PAX5: variants seen among roughly 807,000 people sequenced by gnomAD.
PAX5 encodes paired box 5.
In PAX5, 9 loss-of-function variants were observed where a neutral mutation model predicts 43.7. The observed-to-expected ratio is 0.21, with a 90% CI of 0.12 to 0.36. The LOEUF is 0.36. Ranked by LOEUF, PAX5 falls within the 10% of genes least tolerant of loss-of-function variation. The probability of loss-of-function intolerance (pLI) is 1.00; values close to 1 mark genes in which losing one functional copy is unlikely to be tolerated. For missense variants in PAX5, 383 were observed against 532.7 expected (o/e 0.72, Z 2.77); for synonymous variants, 228 against 214.3 (o/e 1.06, Z -0.56).
At chr9:36,895,081 C>T (rs1255082532) in intron 7 of PAX5, among the ~76,000 whole-genome samples, 1 of 152,238 alleles carries the variant, frequency 6.6e-6, no homozygotes, top group Non-Finnish European at 1.5e-5. Flanking sequence ...ATGGCCCACT[C>T]ACACTCGCTG....
In PAX5 at chr9:36,839,738, C is replaced by A. The variant is rs1326218250; in HGVS notation, c.*822G>T. ...TCAAAGTCCACAATGTAATCAATAC[C>A]TCGGATGACATTCTGCTTCGGAAAA... On this transcript the variant is annotated 3_prime_UTR_variant, in exon 10 of 10. Coordinates refer to ENST00000358127, the MANE Select transcript of PAX5 (RefSeq NM_016734.3). 2.6e-5 allele frequency: 6 copies of A among 233,302 alleles called. No individual in the cohort carries two copies. The highest frequency in any genetic ancestry group is 4.2e-5 in the Non-Finnish European group (5 of 118,154). 14.5% of individuals were successfully genotyped at this position (233,302 alleles called of 1,614,324 possible).
intron 7 of PAX5, among the ~76,000 whole-genome samples, chr9:36,907,083 G>A (rs1828890582): frequency 6.6e-6 from 1 of 152,082 alleles, no homozygotes; most frequent in East Asian, 1.9e-4. Flanking sequence ...GAGGGGCTTG[G>A]TACCAAGGGA....
rs1410078104 is a variant in PAX5, at chr9:37,034,103, T to C, written c.-72A>G. 3.3e-4 allele frequency: 174 copies of C among 528,434 alleles called. No homozygotes were observed. Among genetic ancestry groups the C allele is most frequent in the Admixed American group, 6.8e-4 (17 of 24,914 alleles). The allele number at this position is 528,434 out of a possible 1,614,324, so 32.7% of individuals were successfully genotyped here. On this transcript the variant is annotated 5_prime_UTR_variant, in exon 1 of 10. Transcript: ENST00000358127. Reference sequence around the variant, plus strand: ...TTTTTTGTGCCTTTTTTTTTCTTTTTTTTTTTTTTTTTTTTTTTTTTTTGG... The same window carrying C: ...TTTTTTGTGCCTTTTTTTTTCTTTTCTTTTTTTTTTTTTTTTTTTTTTTGG...
At chr9:37,005,791 TC>T (rs1218009912) in intron 4 of PAX5, among the ~76,000 whole-genome samples, 1 of 152,218 alleles carries the variant, frequency 6.6e-6, no homozygotes, top group Non-Finnish European at 1.5e-5. Context: ...GTTTCCTGTA[TC>T]CCAAGTGGAG....
At chr9:37,000,096 G>A (rs1043792935) in intron 5 of PAX5, among the ~76,000 whole-genome samples, 7 of 152,168 alleles carry the variant, frequency 4.6e-5, no homozygotes, top group African/African-American at 1.7e-4. Flanking sequence ...TAAAACGGAA[G>A]TGACAGTCTC....
chr9:36,904,180 C>A (rs3824341), intron 7 of PAX5, among the ~76,000 whole-genome samples: 25,884 of 152,074 alleles, frequency 0.17, 2,315 homozygotes, highest in African/African-American at 0.19. Context: ...TGGATGGGAG[C>A]ATCAGCTATC....
In PAX5 at chr9:36,858,457, G is replaced by A. The variant is rs191427962; in HGVS notation, c.1013-11528C>T. 6.0e-4 allele frequency among the ~76,000 whole-genome samples: 91 copies of A among 152,318 alleles called. 1 individual carries two copies. Among genetic ancestry groups the A allele is most frequent in the African/African-American group, 2.1e-3 (86 of 41,582 alleles). On this transcript the variant is annotated intron_variant, in intron 8 of 9. Coordinates refer to ENST00000358127, the MANE Select transcript of PAX5 (RefSeq NM_016734.3). ...CAATGGCAGGGTGGGAAACAGACAAGATTGGTTTCCAGTCTTTCTGCCACT... is the reference window on the plus strand; with the variant it reads ...CAATGGCAGGGTGGGAAACAGACAAAATTGGTTTCCAGTCTTTCTGCCACT...
chr9:36,972,023 C>A (rs554332308), intron 5 of PAX5, among the ~76,000 whole-genome samples: 1 of 152,164 alleles, frequency 6.6e-6, no homozygotes, highest in Admixed American at 6.5e-5. Context: ...AATCATCATG[C>A]GCTTTATGTC....
chr9:36,926,867 C>A lies in PAX5; in HGVS notation c.781-3383G>T, dbSNP rs533792047. ...CAAACACCAAGAGAAGACACATTGG[C>A]CCAGAAATTCCATCCAAGAGGGACA... On this transcript the variant is annotated intron_variant, in intron 6 of 9. Coordinates refer to ENST00000358127, the MANE Select transcript of PAX5 (RefSeq NM_016734.3). 1.6e-4 allele frequency among the ~76,000 whole-genome samples: 24 copies of A among 152,180 alleles called. 1 individual carries two copies. The highest frequency in any genetic ancestry group is 3.5e-4 in the Non-Finnish European group (24 of 68,040).
At chr9:36,849,608 G>A (rs1301655689) in intron 8 of PAX5, among the ~76,000 whole-genome samples, 3 of 152,218 alleles carry the variant, frequency 2.0e-5, no homozygotes, top group Non-Finnish European at 2.9e-5. Context: ...CACGGCCTCC[G>A]TTATTAGCAC....
At chr9:37,024,464 A>T (rs969892516) in intron 1 of PAX5, among the ~76,000 whole-genome samples, 1 of 152,164 alleles carries the variant, frequency 6.6e-6, no homozygotes, top group African/African-American at 2.4e-5. Context: ...CTGAGCCTCT[A>T]CTACCTCAGC....
chr9:36,849,305 C>T (rs1822913903), intron 8 of PAX5, among the ~76,000 whole-genome samples: 1 of 152,214 alleles, frequency 6.6e-6, no homozygotes, highest in Non-Finnish European at 1.5e-5. Context: ...AGGGAAGTTC[C>T]TTCCACCCCA....
intron 1 of PAX5, among the ~76,000 whole-genome samples, chr9:37,022,622 T>C (rs1839950469): frequency 6.6e-6 from 1 of 152,220 alleles, no homozygotes. Flanking sequence ...TGAGACTTTC[T>C]GCCCAAAACA....
chr9:37,013,764 C>A (rs995976765), intron 3 of PAX5, among the ~76,000 whole-genome samples: 1 of 152,324 alleles, frequency 6.6e-6, no homozygotes, highest in Non-Finnish European at 1.5e-5. Context: ...TCTCCTCTAT[C>A]TCCCCTGTAC....
In PAX5 at chr9:36,973,158, A is replaced by C. The variant is rs563396589; in HGVS notation, c.605-6434T>G. Among the ~76,000 whole-genome samples, 82 of 119,160 alleles carry C rather than the reference A, an allele frequency of 6.9e-4. 1 individual carries two copies. The highest frequency in any genetic ancestry group is 2.1e-3 in the African/African-American group (69 of 32,476). The allele number at this position is 119,160 out of a possible 152,430, so 78.2% of individuals were successfully genotyped here. A position where few individuals can be genotyped will look rare whatever the true frequency, so the allele number is the denominator to read the frequency against. ...AGAAAAGGAAAGGAAAGGAAAGGAA[A>C]GGAAAGGAAAGGAAAGGAAAGGAAA... On this transcript the variant is annotated intron_variant, in intron 5 of 9. Coordinates refer to ENST00000358127, the MANE Select transcript of PAX5 (RefSeq NM_016734.3).
intron 6 of PAX5, among the ~76,000 whole-genome samples, chr9:36,959,028 C>A (rs1373400724): frequency 6.6e-6 from 1 of 152,208 alleles, no homozygotes; most frequent in African/African-American, 2.4e-5. Flanking sequence ...ACCCTGCAGT[C>A]CCCACCCCTT....
intron 5 of PAX5, among the ~76,000 whole-genome samples, chr9:36,977,691 C>T (rs373192307): frequency 2.2e-4 from 34 of 152,256 alleles, no homozygotes; most frequent in Middle Eastern, 6.8e-3. Flanking sequence ...CCACCACACC[C>T]GGCTAATTTT....
intron 1 of PAX5, among the ~76,000 whole-genome samples, chr9:37,031,367 T>C (rs1258474657): frequency 6.6e-6 from 1 of 152,156 alleles, no homozygotes; most frequent in Non-Finnish European, 1.5e-5. Context: ...AGATGAAGCT[T>C]CATGGATGGG....
intron 7 of PAX5, among the ~76,000 whole-genome samples, chr9:36,907,609 A>G (rs1220348042): frequency 2.6e-5 from 4 of 152,230 alleles, no homozygotes; most frequent in African/African-American, 7.2e-5. Flanking sequence ...GAAAAAGTCC[A>G]TGCTGGTTCG....
Sources: allele counts gnomAD v4.1 joint callset (sites outside exome capture counted in the v4.1 genomes callset), GRCh38; gene constraint gnomAD v4.1.1; transcripts MANE v1.5; gene names NCBI Gene and HGNC (gene_info 2026-07-23, HGNC 2026-07-21).